The following RIC8B variants were observed in gnomAD, a reference collection of about 807,000 sequenced individuals.
RIC8B encodes the protein chaperone Ric-8B.
In RIC8B, 16 loss-of-function variants were observed where a neutral mutation model predicts 57.5. The observed-to-expected ratio is 0.28, with a 90% CI of 0.19 to 0.42. The LOEUF is 0.42. Among genes scored for constraint, RIC8B ranks in the 10% least tolerant of loss-of-function variants. RIC8B has a pLI of 1.00. For synonymous variants in RIC8B, 216 were observed against 250.8 expected (o/e 0.86, Z 1.31); for missense variants, 481 against 677.0 (o/e 0.71, Z 3.21).
At chr12:106,833,187 T>TCA (rs1033364993) in intron 4 of RIC8B, among the ~76,000 whole-genome samples, 2 of 152,026 alleles carry the variant, frequency 1.3e-5, no homozygotes, top group Non-Finnish European at 2.9e-5. Context: ...TACATATACC[T>TCA]TATATATATA....
chr12:106,860,859 C>A (rs1241488578), intron 8 of RIC8B, among the ~76,000 whole-genome samples: 2 of 152,072 alleles, frequency 1.3e-5, no homozygotes, highest in Non-Finnish European at 2.9e-5. Context: ...AAATAGGCAA[C>A]AAGACACATT....
rs1041150608 is a variant in RIC8B, at chr12:106,879,868, C to G, written c.1572-6036C>G. On this transcript the variant is annotated intron_variant, in intron 9 of 9. Transcript: ENST00000392837. This position sits in a 1 kb window ranked among gnomAD's most constrained non-coding sequence, Gnocchi z 4.9. ...ACTGTCACAGTGCCTAGAATGGGCT[C>G]TTTATCCAGTAGACACCACTGTACT... 5 of 985,298 alleles carry G rather than the reference C, an allele frequency of 5.1e-6. No individual in the cohort carries two copies. The South Asian group carries it at 2.3e-4, about 46-fold the overall frequency. 61.0% of individuals were successfully genotyped at this position (985,298 alleles called of 1,614,324 possible).
chr12:106,865,796 C>T (rs57830779), intron 8 of RIC8B, among the ~76,000 whole-genome samples: 2,304 of 152,238 alleles, frequency 0.015, 30 homozygotes, highest in Middle Eastern at 0.048. Context: ...CAGACGTCCT[C>T]GCAGTGGTAT....
chr12:106,829,622 GT>G (rs977797059), intron 4 of RIC8B, among the ~76,000 whole-genome samples: 2 of 151,678 alleles, frequency 1.3e-5, no homozygotes, highest in African/African-American at 4.8e-5. Context: ...TTTTCTTTCA[GT>G]TTTTTTTATA....
intron 7 of RIC8B, among the ~76,000 whole-genome samples, chr12:106,853,775 T>C (rs1949594831): frequency 6.6e-6 from 1 of 152,056 alleles, no homozygotes; most frequent in South Asian, 2.1e-4. Flanking sequence ...CCTATAATCA[T>C]TTTTTTCCTT....
At position 106,860,285 on chromosome 12, in the gene RIC8B, T is replaced by A; in HGVS notation, c.1324T>A (p.Tyr442Asn). 6.3e-7 allele frequency: 1 copy of A among 1,593,504 alleles called. No homozygotes were observed. The highest frequency in any genetic ancestry group is 8.5e-7 in the Non-Finnish European group (1 of 1,171,410). The change falls in exon 8 of 10, where the codon TAC (tyrosine) becomes AAC (asparagine). Residue 442 changes from tyrosine (Y) to asparagine (N), a missense_variant. Physicochemically the swap from Tyr to Asn is moderately radical, Grantham distance 143. This residue lies in a region of RIC8B where 421 missense variants were observed against 560.9 expected (regional missense o/e 0.75). Transcript: ENST00000392837. ...CKERVDSLLK[Y>N]TGYGNAAGLL... ...TTTTGCAGTGGATAGTCTGCTGAAA[T>A]ACACTGGCTATGGGAATGCTGCAGG... is the stretch of plus-strand genomic sequence containing the variant.
chr12:106,867,658 T>A lies in RIC8B; in HGVS notation c.1452-3165T>A, dbSNP rs892671631. On this transcript the variant is annotated intron_variant, in intron 8 of 9. Transcript: ENST00000392837. The surrounding 1 kb of genome is among the most constrained non-coding windows in gnomAD (Gnocchi z 4.3). ...ACAATGGCTATTATTTGTTTTCTCTTCCTTTCTGGGTAGGGAAACTACATG... is the reference window on the plus strand; with the variant it reads ...ACAATGGCTATTATTTGTTTTCTCTACCTTTCTGGGTAGGGAAACTACATG... Among the ~76,000 whole-genome samples, 1 of 152,152 alleles carries A rather than the reference T, an allele frequency of 6.6e-6. No individual in the cohort carries two copies. The highest frequency in any genetic ancestry group is 1.5e-5 in the Non-Finnish European group (1 of 68,020).
chr12:106,811,893 GA>G (rs2136275252), intron 2 of RIC8B, among the ~76,000 whole-genome samples: 2 of 152,290 alleles, frequency 1.3e-5, no homozygotes, highest in East Asian at 3.9e-4. Context: ...GAGCACCTTT[GA>G]AACATGGAAG....
intron 3 of RIC8B, among the ~76,000 whole-genome samples, chr12:106,815,523 T>C (rs1427995895): frequency 6.6e-6 from 1 of 152,256 alleles, no homozygotes; most frequent in Admixed American, 6.5e-5. Context: ...AAAAATGGAC[T>C]ACTATTTTGT....
rs1019825084 is a variant in RIC8B, at chr12:106,886,644, G to A, written c.*629G>A. 4 of 152,600 alleles carry A rather than the reference G, an allele frequency of 2.6e-5. No homozygotes were observed. Among genetic ancestry groups the A allele is most frequent in the African/African-American group, 9.7e-5 (4 of 41,416 alleles). 9.5% of individuals were successfully genotyped at this position (152,600 alleles called of 1,614,324 possible). On this transcript the variant is annotated 3_prime_UTR_variant, in exon 10 of 10. Transcript: ENST00000392837. ...TTCAGAATACATTTCTCCCTATAAA[G>A]AGTTATAAATGATGGTTTAGTTCTC... is the stretch of plus-strand genomic sequence containing the variant.
intron 2 of RIC8B, among the ~76,000 whole-genome samples, chr12:106,802,878 A>G (rs927667957): frequency 2.0e-5 from 3 of 151,884 alleles, no homozygotes; most frequent in African/African-American, 7.3e-5. Context: ...ATTTTTTGAA[A>G]GGGTTCTATG....
At chr12:106,843,595 A>C (rs1016221810) in intron 5 of RIC8B, among the ~76,000 whole-genome samples, 1 of 151,734 alleles carries the variant, frequency 6.6e-6, no homozygotes, top group Non-Finnish European at 1.5e-5. Flanking sequence ...GGTGGTGGGC[A>C]CCTGTAGTCC....
chr12:106,883,531 TAG>T (rs1162759443), intron 9 of RIC8B, among the ~76,000 whole-genome samples: 1 of 152,098 alleles, frequency 6.6e-6, no homozygotes, highest in Non-Finnish European at 1.5e-5. Context: ...CCCCATTGAA[TAG>T]AGTCACCATC....
intron 2 of RIC8B, among the ~76,000 whole-genome samples, chr12:106,805,731 C>T (rs190266797): frequency 6.6e-6 from 1 of 152,260 alleles, no homozygotes; most frequent in East Asian, 1.9e-4. Context: ...CCCCATTTCC[C>T]TCTGGATTAA....
In RIC8B at chr12:106,820,914, C is replaced by A. The variant is rs1000848721; in HGVS notation, c.742-4812C>A. Among the ~76,000 whole-genome samples, 16 of 152,300 alleles carry A rather than the reference C, an allele frequency of 1.1e-4. 2 individuals carry two copies. Among genetic ancestry groups the A allele is most frequent in the Admixed American group, 9.2e-4 (14 of 15,300 alleles). On this transcript the variant is annotated intron_variant, in intron 3 of 9. Transcript: ENST00000392837. The stretch of plus-strand genomic sequence containing the variant: ...CTCATTTCGATTTTCACTATCACAA[C>A]CAAGCCTGCTTGCTGTCTTTCTCTT...
chr12:106,808,277 T>G (rs1048275327), intron 2 of RIC8B, among the ~76,000 whole-genome samples: 1 of 152,180 alleles, frequency 6.6e-6, no homozygotes, highest in Non-Finnish European at 1.5e-5. Context: ...TACCACTTTA[T>G]ATTAGGGACT....
intron 2 of RIC8B, among the ~76,000 whole-genome samples, chr12:106,793,085 A>G (rs987422664): frequency 6.6e-6 from 1 of 152,132 alleles, no homozygotes; most frequent in African/African-American, 2.4e-5. Context: ...GCCCTTCCTC[A>G]TGGGATAGCA....
intron 2 of RIC8B, among the ~76,000 whole-genome samples, chr12:106,792,812 A>C (rs2044315040): frequency 6.6e-6 from 1 of 152,108 alleles, no homozygotes; most frequent in Admixed American, 6.5e-5. Flanking sequence ...TCTAAGGAAA[A>C]AAAGCAAGGA....
At chr12:106,836,878 C>G (rs1040604478) in intron 4 of RIC8B, among the ~76,000 whole-genome samples, 1 of 152,202 alleles carries the variant, frequency 6.6e-6, no homozygotes, top group Non-Finnish European at 1.5e-5. Context: ...TCCTACTCCT[C>G]TTATGTATGG....
Sources: gnomAD v4.1 joint callset for allele counts (sites outside exome capture counted in the v4.1 genomes callset) on GRCh38, gnomAD v4.1.1 for gene constraint, gnomAD v4.1.1 regional missense constraint, Gnocchi (gnomAD v3.1) non-coding constraint, MANE v1.5 for transcripts, NCBI Gene and HGNC (gene_info 2026-07-23, HGNC 2026-07-21) for gene names.